Variants in FBXO11 observed in about 807,000 individuals in gnomAD.
The protein encoded by FBXO11 is F-box protein 11.
In FBXO11, 13 loss-of-function variants were observed where a neutral mutation model predicts 117.0. The ratio of observed to expected loss-of-function variants is 0.11; its 90% CI spans 0.07 to 0.18. The LOEUF is 0.18. Among genes scored for constraint, FBXO11 ranks in the 10% least tolerant of loss-of-function variants. The pLI is 1.00. For missense variants in FBXO11, 767 were observed against 1,164.4 expected (o/e 0.66, Z 4.97); for synonymous variants, 490 against 380.5 (o/e 1.29, Z -3.35).
chr2:47,847,193 C>T (rs932919560), intron 1 of FBXO11, among the ~76,000 whole-genome samples: 7 of 151,976 alleles, frequency 4.6e-5, no homozygotes, highest in Admixed American at 1.3e-4. Context: ...TGCAGTGAGC[C>T]GACATTGTGC....
At chr2:47,881,645 A>T (rs916149920) in intron 1 of FBXO11, among the ~76,000 whole-genome samples, 8 of 152,186 alleles carry the variant, frequency 5.3e-5, no homozygotes, top group African/African-American at 1.9e-4. Context: ...ACCAGTTATT[A>T]CCATAGGGCA....
Position 47,905,522 on chromosome 2 carries a change from G to T in FBXO11, c.199C>A (p.Leu67Met). The T allele has an allele frequency of 8.1e-7, 1 of 1,233,468 alleles. No individual in the cohort carries two copies. The highest frequency in any genetic ancestry group is 1.0e-6 in the Non-Finnish European group (1 of 990,964). The allele number at this position is 1,233,468 out of a possible 1,614,324, so 76.4% of individuals were successfully genotyped here. A position where few individuals can be genotyped will look rare whatever the true frequency, so the allele number is the denominator to read the frequency against. ...PPPPPPPPPP[L>M]PQERNNVGER... is the part of the protein sequence containing the mutation. ...CCGACGTTGTTCCGCTCCTGAGGCA[G>T]CGGCGGAGGCGGCGGTGGCGGCGGC... The change falls in exon 1 of 23, where the codon CTG becomes ATG. Residue 67 changes from leucine (L) to methionine (M), a missense_variant. Leu to Met is a conservative substitution (Grantham distance 15). This residue lies in a region of FBXO11 where 355 missense variants were observed against 299.8 expected (regional missense o/e 1.18). Coordinates refer to ENST00000403359, the MANE Select transcript of FBXO11 (RefSeq NM_001190274.2).
Position 47,838,104 on chromosome 2 carries a change from A to G in FBXO11, c.587+755T>C, listed in dbSNP as rs557779924. 2.2e-4 allele frequency among the ~76,000 whole-genome samples: 33 copies of G among 149,494 alleles called. No homozygotes were observed. The East Asian group carries it at 6.6e-3, about 30-fold the overall frequency. On this transcript the variant is annotated intron_variant, in intron 4 of 22. Transcript: ENST00000403359. ...AAAAATTAGCTGGGCATGGTGACAC[A>G]TGCCTGTGGTGCCAGCTACTCAGGA...
At chr2:47,844,618 A>C (rs1394283036) in intron 1 of FBXO11, among the ~76,000 whole-genome samples, 2 of 152,032 alleles carry the variant, frequency 1.3e-5, no homozygotes, top group South Asian at 2.1e-4. Context: ...AAGTTTAGTT[A>C]TATGTTTATA....
chr2:47,897,504 T>C (rs906062307), intron 1 of FBXO11, among the ~76,000 whole-genome samples: 9 of 152,012 alleles, frequency 5.9e-5, no homozygotes, highest in African/African-American at 1.7e-4. Flanking sequence ...TGAGATCAGC[T>C]TGGCCAACGT....
chr2:47,815,200 A>T (rs1376352215), intron 16 of FBXO11, among the ~76,000 whole-genome samples: 1 of 152,136 alleles, frequency 6.6e-6, no homozygotes, highest in African/African-American at 2.4e-5. Flanking sequence ...GGTTTGATGA[A>T]TGAACATCCA....
chr2:47,826,629 A>G (rs1671773614), intron 11 of FBXO11, among the ~76,000 whole-genome samples: 1 of 152,150 alleles, frequency 6.6e-6, no homozygotes, highest in Non-Finnish European at 1.5e-5. Flanking sequence ...TTTTGGTTAG[A>G]TTAGTGTGCT....
At position 47,839,452 on chromosome 2, in the gene FBXO11, C is replaced by T; in HGVS notation, c.409G>A (p.Ala137Thr). 6.2e-7 allele frequency: 1 copy of T among 1,613,984 alleles called. No homozygotes were observed. Among genetic ancestry groups the T allele is most frequent in the South Asian group, 1.1e-5 (1 of 90,964 alleles). Reference protein sequence around the residue: ...TENFGHRAKRARVSGKSQDLS... With the variant: ...TENFGHRAKRTRVSGKSQDLS... Reference sequence around the variant, plus strand: ...TCTTGTGATTTTCCAGACACTCTTGCACGTTTTGCACGATGACCAAAGTTT... The same window carrying T: ...TCTTGTGATTTTCCAGACACTCTTGTACGTTTTGCACGATGACCAAAGTTT... The change falls in exon 3 of 23, where the codon GCA becomes ACA. Residue 137 changes from alanine (A) to threonine (T), a missense_variant. Ala to Thr is a moderately conservative substitution (Grantham distance 58, BLOSUM62 0). Around this residue, in one of 10 missense-constraint regions of FBXO11, gnomAD observed 355 missense variants for 299.8 expected, o/e 1.18. Coordinates refer to ENST00000403359, the MANE Select transcript of FBXO11 (RefSeq NM_001190274.2).
chr2:47,871,721 A>G (rs1675638757), intron 1 of FBXO11, among the ~76,000 whole-genome samples: 1 of 152,144 alleles, frequency 6.6e-6, no homozygotes, highest in Admixed American at 6.5e-5. Context: ...TAGATGTTAA[A>G]TCCCTTGTTA....
intron 1 of FBXO11, among the ~76,000 whole-genome samples, chr2:47,891,266 C>T (rs779195025): frequency 6.6e-6 from 1 of 152,174 alleles, no homozygotes; most frequent in Non-Finnish European, 1.5e-5. Context: ...TGCCTGCTGA[C>T]TAGTAACTCC....
chr2:47,882,345 G>C (rs1272269767), intron 1 of FBXO11, among the ~76,000 whole-genome samples: 1 of 152,140 alleles, frequency 6.6e-6, no homozygotes, highest in Non-Finnish European at 1.5e-5. Flanking sequence ...TAGTTAGGAA[G>C]GTTTCTGGCT....
In FBXO11 at chr2:47,812,504, C is replaced by T. The variant is rs562981405; in HGVS notation, c.2227+730G>A. On this transcript the variant is annotated intron_variant, in intron 18 of 22. Coordinates refer to ENST00000403359, the MANE Select transcript of FBXO11 (RefSeq NM_001190274.2). ...TATTTTGTGAAAACTATCTGAGATA[C>T]GTCACTTTACTGAATTACTAGATTA... Among the ~76,000 whole-genome samples, 125 of 152,260 alleles carry T rather than the reference C, an allele frequency of 8.2e-4. 1 individual carries two copies. The highest frequency in any genetic ancestry group is 2.8e-3 in the African/African-American group (116 of 41,550).
intron 1 of FBXO11, among the ~76,000 whole-genome samples, chr2:47,862,230 T>C (rs965788652): frequency 6.6e-6 from 1 of 152,130 alleles, no homozygotes; most frequent in African/African-American, 2.4e-5. Flanking sequence ...GCCAGTTTTC[T>C]TATAGTTTAA....
At position 47,807,033 on chromosome 2, in the gene FBXO11, C is replaced by T; in HGVS notation, c.*1085G>A. ...TCTACATAATGGTTATTGAATACTCCACAATATATTAAGTCTAGATGTTAT... is the reference window on the plus strand; with the variant it reads ...TCTACATAATGGTTATTGAATACTCTACAATATATTAAGTCTAGATGTTAT... On this transcript the variant is annotated 3_prime_UTR_variant, in exon 23 of 23. Coordinates refer to ENST00000403359, the MANE Select transcript of FBXO11 (RefSeq NM_001190274.2). The T allele has an allele frequency of 1.6e-6, 1 of 628,608 alleles. No homozygotes were observed. The highest frequency in any genetic ancestry group is 2.7e-5 in the Admixed American group (1 of 36,798). The allele number at this position is 628,608 out of a possible 1,614,324, so 38.9% of individuals were successfully genotyped here. A position where few individuals can be genotyped will look rare whatever the true frequency, so the allele number is the denominator to read the frequency against.
rs114682035 is a variant in FBXO11, at chr2:47,896,286, G to T, written c.232+9203C>A. The stretch of plus-strand genomic sequence containing the variant: ...CCCCAATACTTTATTTGCCTCTGAA[G>T]AATCACTCCTACCCGAAAGATCTTT... On this transcript the variant is annotated intron_variant, in intron 1 of 22. Transcript: ENST00000403359. Among the ~76,000 whole-genome samples the T allele has an allele frequency of 1.9e-3, 286 of 150,946 alleles. 1 individual carries two copies. Among genetic ancestry groups the T allele is most frequent in the Middle Eastern group, 7.0e-3 (2 of 284 alleles).
intron 1 of FBXO11, chr2:47,888,558 GA>G (rs1371269287): frequency 3.0e-5 from 11 of 362,006 alleles, no homozygotes; most frequent in Non-Finnish European, 4.2e-5. Context: ...TATATAATAG[GA>G]AAAAAATAGC....
At chr2:47,874,306 G>C (rs1243244753) in intron 1 of FBXO11, among the ~76,000 whole-genome samples, 1 of 151,994 alleles carries the variant, frequency 6.6e-6, no homozygotes, top group African/African-American at 2.4e-5. Context: ...CATTTATCCT[G>C]ATTTTCCTTT....
At chr2:47,904,701 G>A (rs1226020072) in intron 1 of FBXO11, among the ~76,000 whole-genome samples, 1 of 152,138 alleles carries the variant, frequency 6.6e-6, no homozygotes, top group Non-Finnish European at 1.5e-5. Context: ...GCGGCATGGG[G>A]GGTCGCTCGG....
chr2:47,848,243 T>A (rs573373605), intron 1 of FBXO11, among the ~76,000 whole-genome samples: 10 of 152,158 alleles, frequency 6.6e-5, no homozygotes, highest in Non-Finnish European at 1.3e-4. Flanking sequence ...AGTTAGGAAC[T>A]GGGCCACCCA....
Sources: gnomAD v4.1 joint callset for allele counts (sites outside exome capture counted in the v4.1 genomes callset) on GRCh38, gnomAD v4.1.1 for gene constraint, gnomAD v4.1.1 regional missense constraint, MANE v1.5 for transcripts, NCBI Gene and HGNC (gene_info 2026-07-23, HGNC 2026-07-21) for gene names.